The following BLTP1 variants were observed in gnomAD, a reference collection of about 807,000 sequenced individuals.
BLTP1 encodes fragile site-associated protein.
chr4:122,193,749 A>G, the BLTP1 span: 9 of 633,602 alleles, frequency 1.4e-5, no homozygotes, highest in African/African-American at 1.8e-4. Flanking sequence ...TTACGGGGCC[A>G]TTGATAGATT....
chr4:122,239,407 T>C, the BLTP1 span: 2 of 922,642 alleles, frequency 2.2e-6, no homozygotes, highest in Non-Finnish European at 3.1e-6. Context: ...TTTCTTTTAC[T>C]TGTAAAGTAC....
the BLTP1 span, chr4:122,208,794 C>A: frequency 4.4e-6 from 2 of 457,756 alleles, no homozygotes; most frequent in African/African-American, 2.1e-5. Context: ...GTAATCCCAG[C>A]ACTTTGGGAG....
At chr4:122,192,097 TTTAGG>T in the BLTP1 span, 1 of 823,296 alleles carries the variant, frequency 1.2e-6, no homozygotes, top group African/African-American at 1.7e-5. Flanking sequence ...AACAACCCCT[TTTAGG>T]TTCTCAATAA....
At chr4:122,197,998 A>C in the BLTP1 span, 11 of 984,850 alleles carry the variant, frequency 1.1e-5, no homozygotes, top group Non-Finnish European at 1.3e-5. Flanking sequence ...TTTAAAATCA[A>C]TCATCATTAG....
the BLTP1 span, chr4:122,300,950 A>G: frequency 1.0e-6 from 1 of 984,650 alleles, no homozygotes; most frequent in Non-Finnish European, 1.2e-6. Context: ...CTTAATAGTA[A>G]CTTCACCACC....
chr4:122,334,367 A>G, the BLTP1 span: 3 of 1,599,856 alleles, frequency 1.9e-6, no homozygotes, highest in Admixed American at 5.0e-5. Flanking sequence ...CCAAGACGCT[A>G]AAGACTGAAT....
At chr4:122,356,560 A>G in the BLTP1 span, 2 of 1,553,620 alleles carry the variant, frequency 1.3e-6, no homozygotes, top group Non-Finnish European at 1.8e-6. Flanking sequence ...ATAGACCTAT[A>G]TAAATCCTTA....
chr4:122,235,811 GA>G, the BLTP1 span, among the ~76,000 whole-genome samples: 6,203 of 138,030 alleles, frequency 0.045, 164 homozygotes, highest in East Asian at 0.15. Context: ...TCTCAAAAAA[GA>G]AAAAAAAAAA....
the BLTP1 span, chr4:122,181,288 C>T: frequency 2.1e-6 from 2 of 942,628 alleles, no homozygotes; most frequent in Non-Finnish European, 2.5e-6. Flanking sequence ...TCTAAATGTG[C>T]TCCTGGCGCA....
chr4:122,265,531 G>A, the BLTP1 span, among the ~76,000 whole-genome samples: 2 of 152,150 alleles, frequency 1.3e-5, no homozygotes, highest in African/African-American at 4.8e-5. Flanking sequence ...TTAGCAGATG[G>A]AGCAAAATCA....
the BLTP1 span, chr4:122,203,757 A>T: frequency 2.9e-6 from 1 of 344,424 alleles, no homozygotes; most frequent in South Asian, 1.2e-4. Flanking sequence ...TTATAAAATG[A>T]TATGTTGAAA....
chr4:122,307,028 G>C, the BLTP1 span, among the ~76,000 whole-genome samples: 2 of 151,800 alleles, frequency 1.3e-5, no homozygotes, highest in Non-Finnish European at 2.9e-5. Context: ...TTGTACCCTT[G>C]GTGTCCTTGA....
At chr4:122,326,014 T>TA in the BLTP1 span, 1 of 323,222 alleles carries the variant, frequency 3.1e-6, no homozygotes, top group South Asian at 3.0e-5. Context: ...AAACTTAACT[T>TA]AGACCTCAGA....
At chr4:122,321,979 A>ATTTTTTTTTTTTTTTTTTT in the BLTP1 span, among the ~76,000 whole-genome samples, 23 of 27,018 alleles carry the variant, frequency 8.5e-4, 3 homozygotes, top group East Asian at 3.8e-3. Context: ...ACTACATGTA[A>ATTTTTTTTTTTTTTTTTTT]TTTTTTTTTT....
chr4:122,270,942 C>T, the BLTP1 span: 3 of 1,456,244 alleles, frequency 2.1e-6, no homozygotes, highest in Non-Finnish European at 2.7e-6. Flanking sequence ...ATGATTTTGC[C>T]TATAAATTAA....
chr4:122,306,501 T>G, the BLTP1 span: 1 of 928,400 alleles, frequency 1.1e-6, no homozygotes, highest in South Asian at 5.0e-5. Flanking sequence ...TGTTCTTGGT[T>G]CTGAGGAATT....
At chr4:122,252,998 G>T in the BLTP1 span, among the ~76,000 whole-genome samples, 1 of 152,172 alleles carries the variant, frequency 6.6e-6, no homozygotes, top group African/African-American at 2.4e-5. Context: ...GATAATAAGA[G>T]CCTCTGTCTG....
chr4:122,228,617 T>C, the BLTP1 span, among the ~76,000 whole-genome samples: 11 of 152,238 alleles, frequency 7.2e-5, no homozygotes, highest in Non-Finnish European at 1.2e-4. Context: ...ATAGGTGATA[T>C]ATACATTTTC....
the BLTP1 span, chr4:122,170,846 C>A: frequency 3.1e-6 from 2 of 635,854 alleles, no homozygotes; most frequent in South Asian, 4.9e-5. Context: ...ACTAACACTA[C>A]CATTTATTTA....
Sources: gnomAD v4.1 joint callset for allele counts (sites outside exome capture counted in the v4.1 genomes callset) on GRCh38, gnomAD v4.1.1 for gene constraint, MANE v1.5 for transcripts, NCBI Gene and HGNC (gene_info 2026-07-23, HGNC 2026-07-21) for gene names.